The following ICA1L variants were observed in gnomAD, a reference collection of about 807,000 sequenced individuals.
The protein encoded by ICA1L is islet cell autoantigen 1-like protein.
ICA1L carries 50 observed loss-of-function variants against 61.3 expected under a neutral mutation model. That is an observed-to-expected ratio of 0.82 (90% confidence interval 0.65 to 1.03). The LOEUF (loss-of-function observed/expected upper bound fraction) is 1.03. Among genes scored for constraint, ICA1L ranks in the 50% least tolerant of loss-of-function variants. The pLI, the probability that ICA1L is intolerant of heterozygous loss-of-function variation, is 0.00. For missense variants in ICA1L, 508 were observed against 556.7 expected, an observed-to-expected ratio of 0.91 and a Z score of 0.88; for synonymous variants, 161 against 191.3, an observed-to-expected ratio of 0.84 and a Z score of 1.31.
rs1477836238 is a variant in ICA1L at position 202,849,891 on chromosome 2, A to G, written c.-7-20875T>C. On this transcript the variant is annotated intron_variant, in intron 1 of 12. Transcript: ENST00000358299. The surrounding 1 kb of genome is among the most constrained non-coding windows in gnomAD (Gnocchi z 4.5). ...GCAGGGGTCAACAGACACCTCATAC[A>G]GGAGAGTTCCAGCTGGCATCAGGCT... 6.6e-6 allele frequency among the ~76,000 whole-genome samples: 1 copy of G among 152,168 alleles called. No individual in the cohort carries two copies. The highest frequency in any genetic ancestry group is 1.5e-5 in the Non-Finnish European group (1 of 68,028).
At chr2:202,782,239 G>A (rs1394512708) in intron 12 of ICA1L, among the ~76,000 whole-genome samples, 1 of 151,924 alleles carries the variant, frequency 6.6e-6, no homozygotes, top group African/African-American at 2.4e-5. Context: ...CAGCTACTCG[G>A]GAGGCTGAGA....
At chr2:202,813,973 C>T (rs1184083209) in intron 8 of ICA1L, among the ~76,000 whole-genome samples, 1 of 152,106 alleles carries the variant, frequency 6.6e-6, no homozygotes, top group African/African-American at 2.4e-5. Flanking sequence ...GCTCTTAATA[C>T]AAGGCTCTAT....
At chr2:202,836,364 C>T (rs1011662288) in intron 1 of ICA1L, among the ~76,000 whole-genome samples, 1 of 152,176 alleles carries the variant, frequency 6.6e-6, no homozygotes, top group Non-Finnish European at 1.5e-5. Context: ...ATAAATCCCA[C>T]TTGATCATGG....
intron 12 of ICA1L, 54 bp downstream of exon 12, chr2:202,785,864 G>T: frequency 2.0e-6 from 2 of 993,696 alleles, no homozygotes; most frequent in Admixed American, 4.2e-5. Context: ...AAATTTATCT[G>T]AATTCAACTG....
rs1045269426 is a variant in ICA1L at position 202,777,021 on chromosome 2, A to G, written c.*2512T>C. Reference sequence around the variant, plus strand: ...TGACCACTACAAAGAAAAATGGTACAAACTCTCAAGACATAAAGTTAGCTT... The same window carrying G: ...TGACCACTACAAAGAAAAATGGTACGAACTCTCAAGACATAAAGTTAGCTT... On this transcript the variant is annotated 3_prime_UTR_variant, in exon 13 of 13. Transcript: ENST00000358299. 6.7e-6 allele frequency: 1 copy of G among 150,302 alleles called. No individual in the cohort carries two copies. The highest frequency in any genetic ancestry group is 2.5e-5 in the African/African-American group (1 of 40,810). The allele number at this position is 150,302 out of a possible 1,614,324, so 9.3% of individuals were successfully genotyped here.
At chr2:202,803,577 C>T (rs1435399874) in intron 9 of ICA1L, among the ~76,000 whole-genome samples, 1 of 152,002 alleles carries the variant, frequency 6.6e-6, no homozygotes, top group Non-Finnish European at 1.5e-5. Flanking sequence ...CTCTGTCGAC[C>T]ATGCTGGAGT....
At position 202,819,620 on chromosome 2, in the gene ICA1L, C is replaced by T. The variant is rs528164987; in HGVS notation, c.558+81G>A. 9.8e-6 allele frequency: 11 copies of T among 1,123,406 alleles called. No homozygotes were observed. The South Asian group carries it at 1.5e-4, about 15-fold the overall frequency. 69.6% of individuals were successfully genotyped at this position (1,123,406 alleles called of 1,614,324 possible). The stretch of plus-strand genomic sequence containing the variant: ...GAAACATATATTTACCAAAAAACAT[C>T]TGAAATTTTATTATCTTAATTATTC... On this transcript the variant is annotated intron_variant, in intron 5 of 12. Coordinates refer to ENST00000358299, the MANE Select transcript of ICA1L (RefSeq NM_001288622.3).
Position 202,774,214 on chromosome 2 carries a change from G to A in ICA1L, c.*5319C>T, listed in dbSNP as rs543604665. ...CCAGGAACTCCAGCAGCGCCGGATC[G>A]AAGGCGCGGGGCGGCTCCTGAGTCT... On this transcript the variant is annotated 3_prime_UTR_variant, in exon 13 of 13. Coordinates refer to ENST00000358299, the MANE Select transcript of ICA1L (RefSeq NM_001288622.3). The A allele has an allele frequency of 5.8e-6, 9 of 1,550,434 alleles. No homozygotes were observed. Among genetic ancestry groups the A allele is most frequent in the Non-Finnish European group, 7.8e-6 (9 of 1,146,506 alleles).
At chr2:202,870,517 A>T (rs1433989963) in intron 1 of ICA1L, 1 of 152,222 alleles carries the variant, frequency 6.6e-6, no homozygotes. Context: ...GTCACATAAA[A>T]ATACATACAT....
intron 1 of ICA1L, among the ~76,000 whole-genome samples, chr2:202,846,184 C>G (rs1317113992): frequency 6.6e-6 from 1 of 151,968 alleles, no homozygotes; most frequent in African/African-American, 2.4e-5. Context: ...ATTTGAATAA[C>G]TATTATTATT....
At position 202,821,312 on chromosome 2, in the gene ICA1L, T is replaced by C. The variant is rs772243000; in HGVS notation, c.359+46A>G. 34 of 1,589,322 alleles carry C rather than the reference T, an allele frequency of 2.1e-5. No homozygotes were observed. The East Asian group carries it at 7.7e-4, about 36-fold the overall frequency. ...CAAATTTAAGTACACATGTCAAAACTGTCAGATTGACTACAGATTCAAGAT... is the reference window on the plus strand; with the variant it reads ...CAAATTTAAGTACACATGTCAAAACCGTCAGATTGACTACAGATTCAAGAT... On this transcript the variant is annotated intron_variant, in intron 4 of 12. Transcript: ENST00000358299.
intron 1 of ICA1L, among the ~76,000 whole-genome samples, chr2:202,843,712 C>T (rs1290760789): frequency 6.6e-6 from 1 of 152,168 alleles, no homozygotes; most frequent in Non-Finnish European, 1.5e-5. Flanking sequence ...GCTAAGAGAA[C>T]TGAGAATAAG....
intron 10 of ICA1L, among the ~76,000 whole-genome samples, chr2:202,792,029 G>C (rs760133464): frequency 4.6e-5 from 7 of 152,012 alleles, no homozygotes; most frequent in Non-Finnish European, 1.0e-4. Flanking sequence ...TTAGCTGGGT[G>C]TAGTGGCACA....
intron 12 of ICA1L, among the ~76,000 whole-genome samples, 176 bp from the exon 13 acceptor site, chr2:202,779,824 G>A (rs1339611545): frequency 1.5e-5 from 2 of 129,820 alleles, no homozygotes; most frequent in East Asian, 2.2e-4. Flanking sequence ...TTTTGTTTTC[G>A]GTAGAGACTG....
rs1253530433 is a variant in ICA1L, at chr2:202,821,382, G to A, written c.335C>T (p.Ala112Val). The A allele has an allele frequency of 1.2e-6, 2 of 1,613,408 alleles. No homozygotes were observed. Among genetic ancestry groups the A allele is most frequent in the Non-Finnish European group, 1.7e-6 (2 of 1,179,782 alleles). Reference sequence around the variant, plus strand: ...CCTTTGCTTGGCTGAAGAACAAAGTGCCTTGCCAGTGGCATCCATCATTTT... The same window carrying A: ...CCTTTGCTTGGCTGAAGAACAAAGTACCTTGCCAGTGGCATCCATCATTTT... ...AGKMMDATGKALCSSAKQRLA... is the reference protein window; with the variant it reads ...AGKMMDATGKVLCSSAKQRLA... Residue 112 changes from alanine to valine, a missense_variant, in exon 4 of 13, where the codon GCA (alanine) becomes GTA (valine). Ala to Val is a moderately conservative substitution (Grantham distance 64). Coordinates refer to ENST00000358299, the MANE Select transcript of ICA1L (RefSeq NM_001288622.3).
At chr2:202,794,581 G>GA (rs1161092241) in intron 10 of ICA1L, among the ~76,000 whole-genome samples, 3 of 151,816 alleles carry the variant, frequency 2.0e-5, no homozygotes, top group Admixed American at 6.6e-5. Flanking sequence ...TTGGTAAGAA[G>GA]AAAAAAACAA....
intron 1 of ICA1L, among the ~76,000 whole-genome samples, chr2:202,861,938 CCTT>C (rs1352027961): frequency 7.8e-5 from 11 of 140,572 alleles, no homozygotes; most frequent in African/African-American, 2.9e-4. Context: ...CAAGCCTCCG[CCTT>C]TTTTTTTTTT....
intron 1 of ICA1L, among the ~76,000 whole-genome samples, chr2:202,863,182 C>T (rs573948112): frequency 3.9e-5 from 6 of 151,970 alleles, no homozygotes; most frequent in Admixed American, 1.3e-4. Flanking sequence ...ATCCCAGCTA[C>T]TTGGGAGGCT....
At position 202,779,636 on chromosome 2, in the gene ICA1L, C is replaced by G; in HGVS notation, c.1346G>C (p.Gly449Ala). Residue 449 changes from glycine to alanine, a missense_variant, in exon 13 of 13, where the codon GGC (glycine) becomes GCC (alanine). Coordinates refer to ENST00000358299, the MANE Select transcript of ICA1L (RefSeq NM_001288622.3). ...PKKLTRSPNN[G>A]NQDMSAWFNL... The stretch of plus-strand genomic sequence containing the variant: ...GAACCAGGCTGACATGTCTTGGTTG[C>G]CATTGTTGGGGGCTATTAAAAAAGA... 6.2e-7 allele frequency: 1 copy of G among 1,606,620 alleles called. No homozygotes were observed. Among genetic ancestry groups the G allele is most frequent in the Non-Finnish European group, 8.5e-7 (1 of 1,176,280 alleles).
Sources: gnomAD v4.1 joint callset for allele counts (sites outside exome capture counted in the v4.1 genomes callset) on GRCh38, gnomAD v4.1.1 for gene constraint, Gnocchi (gnomAD v3.1) non-coding constraint, MANE v1.5 for transcripts, NCBI Gene and HGNC (gene_info 2026-07-23, HGNC 2026-07-21) for gene names.